The following CCDC192 variants were observed in gnomAD, a reference collection of about 807,000 sequenced individuals.
CCDC192 encodes coiled-coil domain containing 192.
intron 3 of CCDC192, among the ~76,000 whole-genome samples, chr5:127,780,301 G>A (rs919997484): frequency 1.3e-5 from 2 of 152,140 alleles, no homozygotes; most frequent in East Asian, 1.9e-4. Context: ...TTCGTACAAC[G>A]ACTTATTTTC....
At chr5:127,921,437 T>C (rs2127190662) in intron 6 of CCDC192, among the ~76,000 whole-genome samples, 1 of 152,316 alleles carries the variant, frequency 6.6e-6, no homozygotes. Context: ...GCACTTACCA[T>C]GTACCCACTA....
At position 127,785,768 on chromosome 5, in the gene CCDC192, G is replaced by A. The variant is rs1001490612; in HGVS notation, c.223-11335G>A. On this transcript the variant is annotated intron_variant, in intron 3 of 6. Coordinates refer to ENST00000514853, the MANE Select transcript of CCDC192 (RefSeq NM_001317938.2). Reference sequence around the variant, plus strand: ...GTTCTTGGAACTTTTCTTCAAGAACGAGTCATAGTATTGAGCCAATGACTC... The same window carrying A: ...GTTCTTGGAACTTTTCTTCAAGAACAAGTCATAGTATTGAGCCAATGACTC... The A allele has an allele frequency of 2.3e-4, 54 of 238,490 alleles. 1 individual carries two copies. The Middle Eastern group carries it at 6.7e-3, about 30-fold the overall frequency. 14.8% of individuals were successfully genotyped at this position (238,490 alleles called of 1,614,324 possible). A position where few individuals can be genotyped will look rare whatever the true frequency, so the allele number is the denominator to read the frequency against.
chr5:127,815,510 T>C (rs1270675354), intron 5 of CCDC192, among the ~76,000 whole-genome samples: 4 of 152,142 alleles, frequency 2.6e-5, no homozygotes. Context: ...TACCTTCAGC[T>C]TCACAGAAAC....
Position 127,889,467 on chromosome 5 carries a change from T to C in CCDC192, c.535+13806T>C, listed in dbSNP as rs1752668189. On this transcript the variant is annotated intron_variant, in intron 6 of 6. Coordinates refer to ENST00000514853, the MANE Select transcript of CCDC192 (RefSeq NM_001317938.2). Reference sequence around the variant, plus strand: ...CCCAGGCTGGAGTGCAGTGGCACCATCTCGGCTCACTGCAACCTCTGCCTG... The same window carrying C: ...CCCAGGCTGGAGTGCAGTGGCACCACCTCGGCTCACTGCAACCTCTGCCTG... Among the ~76,000 whole-genome samples the C allele has an allele frequency of 2.0e-5, 3 of 151,386 alleles. No individual in the cohort carries two copies. In the South Asian group the frequency reaches 6.3e-4, roughly 32 times the overall value.
intron 3 of CCDC192, among the ~76,000 whole-genome samples, chr5:127,774,392 A>G (rs1194958709): frequency 6.6e-6 from 1 of 152,182 alleles, no homozygotes; most frequent in African/African-American, 2.4e-5. Flanking sequence ...GTGCTTACAT[A>G]TTTAGGTCGT....
Position 127,937,466 on chromosome 5 carries a change from A to G in CCDC192, c.536-3716A>G, listed in dbSNP as rs149122750. On this transcript the variant is annotated intron_variant, in intron 6 of 6. Transcript: ENST00000514853. ...GTGCCCTTATAAGAAGAGATATGAG[A>G]GAGGTTTTGGTCTCTCTCTTTCTGC... Among the ~76,000 whole-genome samples, 579 of 152,280 alleles carry G rather than the reference A, an allele frequency of 3.8e-3. 5 individuals carry two copies. Among genetic ancestry groups the G allele is most frequent in the African/African-American group, 0.013 (554 of 41,540 alleles).
intron 5 of CCDC192, among the ~76,000 whole-genome samples, chr5:127,864,612 C>G (rs1026201995): frequency 7.2e-5 from 11 of 152,160 alleles, no homozygotes; most frequent in African/African-American, 2.4e-4. Context: ...TGTTTTAGAG[C>G]AAGGACATTT....
At chr5:127,833,031 C>T (rs546556759) in intron 5 of CCDC192, among the ~76,000 whole-genome samples, 1 of 152,276 alleles carries the variant, frequency 6.6e-6, no homozygotes, top group South Asian at 2.1e-4. Flanking sequence ...CATTAAAAGG[C>T]TTAGCCCTCT....
chr5:127,734,758 AC>A (rs1314946922), intron 2 of CCDC192, among the ~76,000 whole-genome samples: 18 of 150,404 alleles, frequency 1.2e-4, no homozygotes, highest in Admixed American at 1.1e-3. Context: ...TCCTTTGCCC[AC>A]TTTTTGATGG....
At chr5:127,900,518 A>C (rs956116801) in intron 6 of CCDC192, among the ~76,000 whole-genome samples, 2 of 152,202 alleles carry the variant, frequency 1.3e-5, no homozygotes, top group Non-Finnish European at 2.9e-5. Context: ...CATATAACCC[A>C]CTTTTGAAGG....
chr5:127,941,001 C>G, intron 6 of CCDC192, 181 bp from the exon 7 acceptor site: 1 of 391,490 alleles, frequency 2.6e-6, no homozygotes, highest in Non-Finnish European at 4.5e-6. Context: ...TTTTCATGAG[C>G]ACCCAGAATC....
At chr5:127,839,045 A>C (rs1355427898) in intron 5 of CCDC192, among the ~76,000 whole-genome samples, 3 of 152,218 alleles carry the variant, frequency 2.0e-5, no homozygotes, top group African/African-American at 7.2e-5. Context: ...TTTTTCAGAC[A>C]CTTAAGACAT....
intron 5 of CCDC192, among the ~76,000 whole-genome samples, chr5:127,841,141 T>G (rs936254209): frequency 3.3e-5 from 5 of 152,196 alleles, no homozygotes; most frequent in African/African-American, 1.2e-4. Flanking sequence ...AGAAAGACAT[T>G]TCTTCAGTTT....
At chr5:127,923,325 A>G (rs1463592767) in intron 6 of CCDC192, among the ~76,000 whole-genome samples, 1 of 151,814 alleles carries the variant, frequency 6.6e-6, no homozygotes, top group African/African-American at 2.4e-5. Flanking sequence ...TCATTCATAC[A>G]GTATTTTAGG....
At chr5:127,892,698 G>A (rs1006412389) in intron 6 of CCDC192, among the ~76,000 whole-genome samples, 1 of 152,122 alleles carries the variant, frequency 6.6e-6, no homozygotes, top group African/African-American at 2.4e-5. Flanking sequence ...TTGTTCTAGA[G>A]AGAAATTGAA....
intron 3 of CCDC192, among the ~76,000 whole-genome samples, chr5:127,758,568 G>T (rs1049564848): frequency 1.3e-5 from 2 of 152,124 alleles, no homozygotes; most frequent in African/African-American, 2.4e-5. Context: ...TCTAACCTAG[G>T]TTATAATGAT....
chr5:127,865,461 G>T (rs1383485784), intron 5 of CCDC192, among the ~76,000 whole-genome samples: 1 of 151,808 alleles, frequency 6.6e-6, no homozygotes, highest in Non-Finnish European at 1.5e-5. Flanking sequence ...ACCTTTCAAG[G>T]TTTGGGGTGT....
At position 127,847,844 on chromosome 5, in the gene CCDC192, A is replaced by AATAAATAAATAC. The variant is rs1554080655; in HGVS notation, c.412-27683_412-27672dup. 5.3e-3 allele frequency among the ~76,000 whole-genome samples: 803 copies of AATAAATAAATAC among 151,180 alleles called. 6 individuals carry two copies. Among genetic ancestry groups the AATAAATAAATAC allele is most frequent in the Middle Eastern group, 0.044 (13 of 294 alleles). ...TCTTAAATAAATAAATAAATAAATAAATAAATAAATACATAAATAAATGCT... is the reference window on the plus strand; with the variant it reads ...TCTTAAATAAATAAATAAATAAATAAATAAATAAATACATAAATAAATACATAAATAAATGCT... On this transcript the variant is annotated intron_variant, in intron 5 of 6. Coordinates refer to ENST00000514853, the MANE Select transcript of CCDC192 (RefSeq NM_001317938.2).
chr5:127,767,106 G>A (rs1755271760), intron 3 of CCDC192, among the ~76,000 whole-genome samples: 1 of 152,204 alleles, frequency 6.6e-6, no homozygotes, highest in Admixed American at 6.5e-5. Context: ...TAGAGAGTCA[G>A]CTCACTGAGT....
Sources: gnomAD v4.1 joint callset for allele counts (sites outside exome capture counted in the v4.1 genomes callset) on GRCh38, gnomAD v4.1.1 for gene constraint, MANE v1.5 for transcripts, NCBI Gene and HGNC (gene_info 2026-07-23, HGNC 2026-07-21) for gene names.